Variants in JMY observed in about 807,000 individuals in gnomAD.
JMY encodes the protein junction mediating and regulatory protein, p53 cofactor.
JMY carries 46 observed loss-of-function variants against 103.3 expected under a neutral mutation model. The observed-to-expected ratio is 0.45, with a 90% confidence interval of 0.35 to 0.57. The LOEUF is 0.57. Among genes scored for constraint, JMY ranks in the 20% least tolerant of loss-of-function variants. The pLI, the probability that JMY is intolerant of heterozygous loss-of-function variation, is 0.00. For synonymous variants in JMY, 526 were observed against 489.3 expected (o/e 1.07, Z -0.99); for missense variants, 1,238 against 1,255.2 (o/e 0.99, Z 0.21).
chr5:79,256,809 G>T (rs991192134), intron 1 of JMY, among the ~76,000 whole-genome samples: 2 of 135,322 alleles, frequency 1.5e-5, no homozygotes, highest in Non-Finnish European at 3.0e-5. Flanking sequence ...GTTCTCCATC[G>T]CCTAGGGTTG....
intron 1 of JMY, among the ~76,000 whole-genome samples, chr5:79,277,364 C>T (rs1424208739): frequency 1.3e-5 from 2 of 151,664 alleles, no homozygotes; most frequent in East Asian, 1.9e-4. Flanking sequence ...CAGTGGCTCA[C>T]GCCTGTAATC....
At chr5:79,281,143 C>T (rs1457431213) in intron 2 of JMY, among the ~76,000 whole-genome samples, 3 of 151,608 alleles carry the variant, frequency 2.0e-5, no homozygotes, top group Admixed American at 6.6e-5. Context: ...CTCCCGGGTT[C>T]GTGCCATTCT....
At chr5:79,306,038 A>G (rs1746871167) in intron 6 of JMY, among the ~76,000 whole-genome samples, 1 of 152,184 alleles carries the variant, frequency 6.6e-6, no homozygotes, top group South Asian at 2.1e-4. Context: ...CTCAGAAAAA[A>G]GTATAATGAG....
At chr5:79,280,707 C>T (rs901802292) in intron 2 of JMY, among the ~76,000 whole-genome samples, 2 of 152,066 alleles carry the variant, frequency 1.3e-5, no homozygotes, top group Non-Finnish European at 2.9e-5. Context: ...ATCACACAAC[C>T]TTGTAAGTTG....
Position 79,321,918 on chromosome 5 carries a change from G to C in JMY, c.*316G>C, listed in dbSNP as rs1747464903. The stretch of plus-strand genomic sequence containing the variant: ...CCTTGTAATGGCCAGTTAAGCTAGG[G>C]CTTGCTGTAAGTTGGAAGAACACTG... On this transcript the variant is annotated 3_prime_UTR_variant, in exon 11 of 11. Transcript: ENST00000396137. The C allele has an allele frequency of 6.6e-6, 1 of 152,084 alleles. No individual in the cohort carries two copies. The highest frequency in any genetic ancestry group is 6.6e-5 in the Admixed American group (1 of 15,258). The allele number at this position is 152,084 out of a possible 1,614,324, so 9.4% of individuals were successfully genotyped here. A position where few individuals can be genotyped will look rare whatever the true frequency, so the allele number is the denominator to read the frequency against.
At chr5:79,279,486 AC>A (rs1456767417) in intron 2 of JMY, among the ~76,000 whole-genome samples, 1 of 152,134 alleles carries the variant, frequency 6.6e-6, no homozygotes, top group Non-Finnish European at 1.5e-5. Flanking sequence ...TTGTCTTTTT[AC>A]CTAATAGGTT....
chr5:79,245,262 ATAG>A (rs1292964172), intron 1 of JMY, among the ~76,000 whole-genome samples: 2 of 152,158 alleles, frequency 1.3e-5, no homozygotes, highest in Non-Finnish European at 2.9e-5. Context: ...TATTCAACAA[ATAG>A]TAGTATAGGC....
intron 4 of JMY, among the ~76,000 whole-genome samples, chr5:79,291,785 C>T (rs142900500): frequency 5.1e-4 from 77 of 152,292 alleles, no homozygotes; most frequent in African/African-American, 1.7e-3. Flanking sequence ...CACTGTCTAT[C>T]CTTTTTTACT....
rs1491395632 is a variant in JMY, at chr5:79,316,328, CTT to C, written c.*3+20_*3+21del. 2,032 of 1,563,790 alleles carry C rather than the reference CTT, an allele frequency of 1.3e-3. 1 individual carries two copies. Among genetic ancestry groups the C allele is most frequent in the Admixed American group, 3.1e-3 (168 of 53,520 alleles). ...ACTAACAAGTAAACGGCCTTATTGT[CTT>C]TAGTAGCATTCAGTAATACAGGTTT... On this transcript the variant is annotated intron_variant, in intron 10 of 10. Transcript: ENST00000396137.
chr5:79,249,311 C>T (rs1030750393), intron 1 of JMY, among the ~76,000 whole-genome samples: 12 of 151,202 alleles, frequency 7.9e-5, no homozygotes, highest in Admixed American at 1.3e-4. Flanking sequence ...TGTGAGCCAC[C>T]GTGCCTGCCC....
At chr5:79,279,809 A>C (rs370034557) in intron 2 of JMY, among the ~76,000 whole-genome samples, 13 of 152,234 alleles carry the variant, frequency 8.5e-5, no homozygotes, top group African/African-American at 3.1e-4. Flanking sequence ...TGGAACAAAT[A>C]ATTTTTAGAT....
intron 1 of JMY, among the ~76,000 whole-genome samples, chr5:79,241,520 C>G (rs1744740618): frequency 6.6e-6 from 1 of 151,978 alleles, no homozygotes; most frequent in Non-Finnish European, 1.5e-5. Flanking sequence ...TAAATAAATT[C>G]CTCAGTAAGA....
At chr5:79,288,321 C>T (rs1746326204) in intron 2 of JMY, among the ~76,000 whole-genome samples, 1 of 152,126 alleles carries the variant, frequency 6.6e-6, no homozygotes, top group Non-Finnish European at 1.5e-5. Context: ...TCAGATTGCT[C>T]CTCACCTCTC....
chr5:79,236,553 C>G lies in JMY; in HGVS notation c.-98C>G. On this transcript the variant is annotated 5_prime_UTR_variant, in exon 1 of 11. Coordinates refer to ENST00000396137, the MANE Select transcript of JMY (RefSeq NM_152405.5). The stretch of plus-strand genomic sequence containing the variant: ...CGGCGCACTAAGATGGCTGAAGGCG[C>G]CCGGCGAGGGTGAGCGGGGGGCGCG... 1 of 1,030,914 alleles carries G rather than the reference C, an allele frequency of 9.7e-7. No homozygotes were observed. Among genetic ancestry groups the G allele is most frequent in the Non-Finnish European group, 1.3e-6 (1 of 785,326 alleles). 63.9% of individuals were successfully genotyped at this position (1,030,914 alleles called of 1,614,324 possible).
chr5:79,270,586 AATATTTAAAATG>A, intron 1 of JMY, among the ~76,000 whole-genome samples: 1 of 75,286 alleles, frequency 1.3e-5, no homozygotes, highest in Non-Finnish European at 3.1e-5. Flanking sequence ...TATTTACATA[AATATTTAAAATG>A]TATATTTACA....
intron 4 of JMY, among the ~76,000 whole-genome samples, chr5:79,293,627 C>T (rs937691093): frequency 6.6e-6 from 1 of 152,082 alleles, no homozygotes; most frequent in African/African-American, 2.4e-5. Flanking sequence ...TATGACAACC[C>T]TGTACTCAGA....
At chr5:79,289,234 C>CAA (rs535416062) in intron 2 of JMY, among the ~76,000 whole-genome samples, 18 of 55,370 alleles carry the variant, frequency 3.3e-4, no homozygotes, top group African/African-American at 6.7e-4. Flanking sequence ...GACGCCGTCT[C>CAA]AAAAAAAAAA....
At chr5:79,313,268 A>G (rs933970992) in intron 8 of JMY, among the ~76,000 whole-genome samples, 1 of 152,094 alleles carries the variant, frequency 6.6e-6, no homozygotes, top group Admixed American at 6.5e-5. Flanking sequence ...TCTCTATACA[A>G]ATTAGCCTGG....
chr5:79,305,438 G>A (rs573048659), intron 6 of JMY, among the ~76,000 whole-genome samples: 7 of 151,836 alleles, frequency 4.6e-5, no homozygotes, highest in African/African-American at 1.7e-4. Flanking sequence ...GGGCAACAGT[G>A]AGACTCCATC....
Sources: allele counts gnomAD v4.1 joint callset (sites outside exome capture counted in the v4.1 genomes callset), GRCh38; gene constraint gnomAD v4.1.1; transcripts MANE v1.5; gene names NCBI Gene and HGNC (gene_info 2026-07-23, HGNC 2026-07-21).